The following KLC3 variants were observed in gnomAD, a reference collection of about 807,000 sequenced individuals.
KLC3 encodes the protein kinesin light chain 3.
KLC3 carries 72 observed loss-of-function variants against 62.9 expected under a neutral mutation model. The ratio of observed to expected loss-of-function variants is 1.15; its 90% CI spans 0.95 to 1.39. KLC3 has a LOEUF of 1.39. Among genes scored for constraint, KLC3 ranks in the 40% most tolerant of loss-of-function variants. The pLI is 0.00. For synonymous variants in KLC3, 377 were observed against 300.5 expected (o/e 1.25, Z -2.63); for missense variants, 848 against 691.6 (o/e 1.23, Z -2.54).
At position 45,345,693 on chromosome 19, in the gene KLC3, C is replaced by T; in HGVS notation, c.152C>T (p.Ala51Val). ...GGCCTGGCTGGGCACCTGGCGGAGG[C>T]CCTGGCGGGACAGGGCCCGGCAGCC... ...HHGLAGHLAEALAGQGPAAGL... is the reference protein window; with the variant it reads ...HHGLAGHLAEVLAGQGPAAGL... Residue 51 changes from alanine to valine, a missense_variant, in exon 2 of 13, where the codon GCC becomes GTC. Transcript: ENST00000391946. 2 of 1,571,982 alleles carry T rather than the reference C, an allele frequency of 1.3e-6. No homozygotes were observed. The highest frequency in any genetic ancestry group is 1.7e-6 in the Non-Finnish European group (2 of 1,159,880).
At position 45,346,614 on chromosome 19, in the gene KLC3, G is replaced by GGCCC; in HGVS notation, c.331_332insCCGC (p.Arg111ProfsTer57). On this transcript the variant is annotated frameshift_variant, in exon 3 of 13. Transcript: ENST00000391946. LOFTEE classifies it high-confidence loss of function. Reference sequence around the variant, plus strand: ...AAGCAGCGGCTGCGCTCGCAGGCCCGGCGGCTGGCCCAGGAGAACGTGTGG... The same window carrying GGCCC: ...AAGCAGCGGCTGCGCTCGCAGGCCCGGCCCGCGGCTGGCCCAGGAGAACGTGTGG... 6.4e-7 allele frequency: 1 copy of GGCCC among 1,550,812 alleles called. No homozygotes were observed.
intron 5 of KLC3, 31 bp from the exon 6 acceptor site, chr19:45,348,615 A>T: frequency 1.3e-6 from 2 of 1,551,954 alleles, no homozygotes; most frequent in Non-Finnish European, 1.7e-6. Context: ...CCCTTGGCTA[A>T]CCCCCTCCAT....
In KLC3 at chr19:45,348,955, C is replaced by T. The variant is rs758180852; in HGVS notation, c.969+34C>T. On this transcript the variant is annotated intron_variant, in intron 7 of 12. Coordinates refer to ENST00000391946, the MANE Select transcript of KLC3 (RefSeq NM_177417.3). ...CCCCTCACCCCACCCCGAGGAACCC[C>T]TTGTCCCATGTAGCCCTCCCCAGGG... 104 of 1,530,762 alleles carry T rather than the reference C, an allele frequency of 6.8e-5. 1 individual carries two copies. The highest frequency in any genetic ancestry group is 8.3e-5 in the Non-Finnish European group (94 of 1,127,692). 94.8% of individuals were successfully genotyped at this position (1,530,762 alleles called of 1,614,324 possible).
chr19:45,351,394 A>G lies in KLC3; in HGVS notation c.*37A>G. On this transcript the variant is annotated 3_prime_UTR_variant, in exon 13 of 13. Transcript: ENST00000391946. ...CTGCGCTGGCCGCAGCTTCTTGGGA[A>G]CAGTGCAGGAGGGATGGGCTGGTGG... 6.2e-7 allele frequency: 1 copy of G among 1,605,912 alleles called. No individual in the cohort carries two copies. Among genetic ancestry groups the G allele is most frequent in the Non-Finnish European group, 8.5e-7 (1 of 1,179,772 alleles).
At chr19:45,342,498 G>A (rs1050605688) in intron 1 of KLC3, among the ~76,000 whole-genome samples, 56 of 152,218 alleles carry the variant, frequency 3.7e-4, no homozygotes, top group African/African-American at 1.3e-3. Context: ...GGTAGCTCAC[G>A]CCTGTAATCC....
intron 4 of KLC3, 35 bp downstream of exon 4, chr19:45,347,551 A>T: frequency 6.4e-7 from 1 of 1,569,906 alleles, no homozygotes; most frequent in East Asian, 2.3e-5. Flanking sequence ...AGAGGATGGC[A>T]GGCCAGGGTG....
intron 8 of KLC3, 94 bp downstream of exon 8, chr19:45,349,696 T>TGGGGTGGGG: frequency 1.5e-6 from 1 of 689,042 alleles, no homozygotes. Context: ...AACGTGAGGG[T>TGGGGTGGGG]GGGGGGGGGC....
At chr19:45,341,578 T>TGCGCGCGCGCGCGCGCGC (rs200152688) in intron 1 of KLC3, among the ~76,000 whole-genome samples, 32 of 139,800 alleles carry the variant, frequency 2.3e-4, no homozygotes, top group Non-Finnish European at 3.1e-5. Context: ...TGTGTGTGTG[T>TGCGCGCGCGCGCGCGCGC]GCGCGCGCGC....
chr19:45,350,459 CCTCCTGGTGGCTTCT>C (rs762411089), intron 9 of KLC3, 28 bp downstream of exon 9: 1 of 1,612,966 alleles, frequency 6.2e-7, no homozygotes, highest in East Asian at 2.2e-5. Context: ...GTCTGTCTTC[CCTCCTGGTGGCTTCT>C]CTATGTCCCC....
At position 45,348,801 on chromosome 19, in the gene KLC3, G is replaced by GC. The variant is rs757890702; in HGVS notation, c.868-17dup. 48 of 1,562,354 alleles carry GC rather than the reference G, an allele frequency of 3.1e-5. No individual in the cohort carries two copies. In the South Asian group the frequency reaches 5.2e-4, roughly 17 times the overall value. On this transcript the variant is annotated intron_variant, in intron 6 of 12. Transcript: ENST00000391946. ...CCACACCTGCCCATCCCTGACCTGTGCCTCCCCCAACCCCGCAGGTGGCCG... is the reference window on the plus strand; with the variant it reads ...CCACACCTGCCCATCCCTGACCTGTGCCCTCCCCCAACCCCGCAGGTGGCCG...
At position 45,349,373 on chromosome 19, in the gene KLC3, T is replaced by G. The variant is rs1329755809; in HGVS notation, c.970-56T>G. 7.9e-6 allele frequency: 12 copies of G among 1,520,084 alleles called. No homozygotes were observed. In the East Asian group the frequency reaches 2.3e-4, roughly 29 times the overall value. The allele number at this position is 1,520,084 out of a possible 1,614,324, so 94.2% of individuals were successfully genotyped here. A position where few individuals can be genotyped will look rare whatever the true frequency, so the allele number is the denominator to read the frequency against. ...TCATGACCACCATACAGCAGTGATGTCACGTGTCCCACCAATCCTGTATGA... is the reference window on the plus strand; with the variant it reads ...TCATGACCACCATACAGCAGTGATGGCACGTGTCCCACCAATCCTGTATGA... On this transcript the variant is annotated intron_variant, in intron 7 of 12. Transcript: ENST00000391946.
At position 45,347,994 on chromosome 19, in the gene KLC3, G is replaced by C. The variant is rs186054339; in HGVS notation, c.613G>C (p.Ala205Pro). ...TCAGCAGGGTGGCTATGAGATCCCT[G>C]CCCGCCTTCGGACCCTGCATAACCT... ...AAQQGGYEIP[A>P]RLRTLHNLVI... The change falls in exon 5 of 13, where the codon GCC becomes CCC. Residue 205 changes from alanine (A) to proline (P), a missense_variant. Coordinates refer to ENST00000391946, the MANE Select transcript of KLC3 (RefSeq NM_177417.3). 5 of 1,608,894 alleles carry C rather than the reference G, an allele frequency of 3.1e-6. No individual in the cohort carries two copies. The South Asian group carries it at 5.6e-5, about 18-fold the overall frequency.
In KLC3 at chr19:45,351,264, C is replaced by T. The variant is rs751995064; in HGVS notation, c.1444-22C>T. ...ACTTGCCCCTCACCTCCCCTCCAAC[C>T]ATCCCCTGTGCCTGTCTCCAGTTTC... On this transcript the variant is annotated intron_variant, in intron 12 of 12. Coordinates refer to ENST00000391946, the MANE Select transcript of KLC3 (RefSeq NM_177417.3). The T allele has an allele frequency of 3.7e-6, 6 of 1,610,284 alleles. No individual in the cohort carries two copies. In the East Asian group the frequency reaches 1.1e-4, roughly 30 times the overall value.
At chr19:45,343,866 G>A (rs1280575418) in intron 1 of KLC3, among the ~76,000 whole-genome samples, 2 of 151,740 alleles carry the variant, frequency 1.3e-5, no homozygotes, top group Non-Finnish European at 2.9e-5. Flanking sequence ...TTTTGACTGG[G>A]TCTTACTCTT....
Position 45,350,705 on chromosome 19 carries a change from T to C in KLC3, c.1337T>C (p.Leu446Pro). The change falls in exon 11 of 13, where the codon CTG becomes CCG. Residue 446 changes from leucine (L) to proline (P), a missense_variant. Leu to Pro is a moderately conservative substitution (Grantham distance 98). Coordinates refer to ENST00000391946, the MANE Select transcript of KLC3 (RefSeq NM_177417.3). ...RESIRRGSEK[L>P]VSRLRGEAAA... ...TCTATCAGGCGAGGAAGTGAGAAGC[T>C]GGTCTCCCGGCTCCGAGGCGAGGCG... The C allele has an allele frequency of 6.2e-7, 1 of 1,613,664 alleles. No individual in the cohort carries two copies. The highest frequency in any genetic ancestry group is 1.1e-5 in the South Asian group (1 of 91,006).
In KLC3 at chr19:45,350,495, C is replaced by T. The variant is rs185312048; in HGVS notation, c.1235-19C>T. The T allele has an allele frequency of 3.8e-5, 61 of 1,613,640 alleles. No individual in the cohort carries two copies. The African/African-American group carries it at 7.1e-4, about 19-fold the overall frequency. On this transcript the variant is annotated intron_variant, in intron 9 of 12. Transcript: ENST00000391946. ...CTTCTCTATGTCCCCATCTCAGTGT[C>T]CCCCATCTTTCCCCCTAGGTGCCCC... is the stretch of plus-strand genomic sequence containing the variant.
intron 5 of KLC3, 38 bp downstream of exon 5, chr19:45,348,198 G>A (rs550243422): frequency 2.4e-5 from 37 of 1,520,024 alleles, no homozygotes; most frequent in African/African-American, 6.9e-5. Flanking sequence ...GGGCAGGAAC[G>A]GCAGGGACCC....
chr19:45,341,186 T>TTGTGTGTGTGTGTGTGTG (rs113240301), intron 1 of KLC3, among the ~76,000 whole-genome samples: 1 of 111,826 alleles, frequency 8.9e-6, no homozygotes, highest in African/African-American at 3.7e-5. Flanking sequence ...CTGCCTGTGT[T>TTGTGTGTGTGTGTGTGTG]TGTGTGTGTG....
At position 45,349,355 on chromosome 19, in the gene KLC3, C is replaced by CACCATA. The variant is rs769599778; in HGVS notation, c.970-73_970-68dup. The CACCATA allele has an allele frequency of 1.1e-3, 1,588 of 1,450,380 alleles. 3 individuals are homozygous for CACCATA. Among genetic ancestry groups the CACCATA allele is most frequent in the Non-Finnish European group, 1.4e-3 (1,543 of 1,069,584 alleles). 89.8% of individuals were successfully genotyped at this position (1,450,380 alleles called of 1,614,324 possible). On this transcript the variant is annotated intron_variant, in intron 7 of 12. Transcript: ENST00000391946. Reference sequence around the variant, plus strand: ...GACCCTGTAATCCCCAACTCATGACCACCATACAGCAGTGATGTCACGTGT... The same window carrying CACCATA: ...GACCCTGTAATCCCCAACTCATGACCACCATAACCATACAGCAGTGATGTCACGTGT...
Sources: gnomAD v4.1 joint callset for allele counts (sites outside exome capture counted in the v4.1 genomes callset) on GRCh38, gnomAD v4.1.1 for gene constraint, MANE v1.5 for transcripts, NCBI Gene and HGNC (gene_info 2026-07-23, HGNC 2026-07-21) for gene names.